NLRP4: variants seen among roughly 807,000 people sequenced by gnomAD.
The protein encoded by NLRP4 is NACHT, LRR and PYD domains-containing protein 4.
Under a neutral mutation model 84.7 loss-of-function variants are expected in NLRP4, and 44 were observed. That is an observed-to-expected ratio of 0.52 (90% confidence interval 0.41 to 0.67). The LOEUF (loss-of-function observed/expected upper bound fraction) is 0.67. NLRP4 is among the 30% of genes least tolerant of loss of function. The pLI is 0.00. For missense variants in NLRP4, 1,260 were observed against 1,219.4 expected (o/e 1.03, Z -0.50); for synonymous variants, 544 against 476.4 (o/e 1.14, Z -1.85).
At chr19:55,873,284 A>C (rs302445) in intron 7 of NLRP4, among the ~76,000 whole-genome samples, 78,918 of 151,808 alleles carry the variant, frequency 0.52, 20,751 homozygotes, top group Middle Eastern at 0.63. Context: ...TAATGGAAAA[A>C]ATATACAACA....
At chr19:55,848,450 C>A (rs1983885047) in intron 1 of NLRP4, among the ~76,000 whole-genome samples, 1 of 151,714 alleles carries the variant, frequency 6.6e-6, no homozygotes, top group Non-Finnish European at 1.5e-5. Flanking sequence ...TGTCGCCAGG[C>A]TAGAGTGCAG....
At chr19:55,847,172 T>C (rs1369326990) in intron 1 of NLRP4, among the ~76,000 whole-genome samples, 1 of 152,198 alleles carries the variant, frequency 6.6e-6, no homozygotes, top group East Asian at 1.9e-4. Context: ...GCAGCAACAT[T>C]CTGCCTAATG....
intron 1 of NLRP4, among the ~76,000 whole-genome samples, chr19:55,848,551 C>T (rs898671274): frequency 1.3e-5 from 2 of 152,030 alleles, no homozygotes; most frequent in African/African-American, 4.8e-5. Context: ...TTACAGGTAC[C>T]CACCACCACA....
At chr19:55,879,087 T>C (rs1035192602) in intron 9 of NLRP4, 123 bp downstream of exon 9, 2 of 752,904 alleles carry the variant, frequency 2.7e-6, no homozygotes, top group Non-Finnish European at 4.3e-6. Flanking sequence ...CTCAGGGTTG[T>C]TGCAGGAGTA....
chr19:55,859,233 G>T lies in NLRP4; in HGVS notation c.1840G>T (p.Asp614Tyr). 1 of 1,602,924 alleles carries T rather than the reference G, an allele frequency of 6.2e-7. No individual in the cohort carries two copies. Among genetic ancestry groups the T allele is most frequent in the African/African-American group, 1.3e-5 (1 of 74,810 alleles). Residue 614 changes from aspartate (D) to tyrosine (Y), a missense_variant, in exon 3 of 10, where the codon GAT (aspartate) becomes TAT (tyrosine). This residue lies in a region of NLRP4 where 544 missense variants were observed against 531.7 expected (regional missense o/e 1.02). Coordinates refer to ENST00000301295, the MANE Select transcript of NLRP4 (RefSeq NM_134444.5). ...FSVQNVFKKE[D>Y]EHSSTSDYSL... The stretch of plus-strand genomic sequence containing the variant: ...CGTTCAAAATGTCTTTAAGAAAGAG[G>T]ATGAACACAGCTCTACGTGAGTCCA...
intron 1 of NLRP4, among the ~76,000 whole-genome samples, chr19:55,845,132 C>T (rs557831945): frequency 6.7e-6 from 1 of 150,038 alleles, no homozygotes; most frequent in Non-Finnish European, 1.5e-5. Context: ...CCCATTAACT[C>T]GTCATTTAGC....
chr19:55,850,807 T>TTCCGAGGCTGCGGTGTAATG (rs1984082888), intron 1 of NLRP4, among the ~76,000 whole-genome samples: 1 of 32,646 alleles, frequency 3.1e-5, no homozygotes, highest in Non-Finnish European at 4.8e-5. Context: ...GCGGTGTAAT[T>TTCCGAGGCTGCGGTGTAATG]TCCGAGGCTG....
chr19:55,857,411 C>A, intron 2 of NLRP4: 2 of 468,020 alleles, frequency 4.3e-6, no homozygotes, highest in Non-Finnish European at 3.7e-6. Context: ...ATATGGTTTC[C>A]ATTTTAGGCT....
In NLRP4 at chr19:55,862,009, T is replaced by C; in HGVS notation, c.2036T>C (p.Phe679Ser). 1 of 1,613,704 alleles carries C rather than the reference T, an allele frequency of 6.2e-7. No homozygotes were observed. The highest frequency in any genetic ancestry group is 8.5e-7 in the Non-Finnish European group (1 of 1,179,660). The change falls in exon 5 of 10, where the codon TTT (phenylalanine) becomes TCT (serine). Residue 679 changes from phenylalanine (F) to serine (S), a missense_variant. This residue lies in a region of NLRP4 where 544 missense variants were observed against 531.7 expected (regional missense o/e 1.02). Coordinates refer to ENST00000301295, the MANE Select transcript of NLRP4 (RefSeq NM_134444.5). ...LQKLGINNVS[F>S]SGQSVLLFEV... is the part of the protein sequence containing the mutation. ...TTTTGCAGAATAAATAACGTTTCCT[T>C]TTCTGGCCAGAGTGTTCTGCTCTTT... is the stretch of plus-strand genomic sequence containing the variant.
chr19:55,858,964 C>T lies in NLRP4; in HGVS notation c.1571C>T (p.Ser524Phe). 1.9e-6 allele frequency: 3 copies of T among 1,614,134 alleles called. No individual in the cohort carries two copies. The highest frequency in any genetic ancestry group is 2.5e-6 in the Non-Finnish European group (3 of 1,180,022). ...KLDAFFGFQL[S>F]QEIKQQIHQC... is the part of the protein sequence containing the mutation. ...GATGCGTTTTTTGGCTTCCAACTGTCCCAAGAGATAAAGCAGCAAATTCAC... is the reference window on the plus strand; with the variant it reads ...GATGCGTTTTTTGGCTTCCAACTGTTCCAAGAGATAAAGCAGCAAATTCAC... Residue 524 changes from serine to phenylalanine, a missense_variant, in exon 3 of 10, where the codon TCC (serine) becomes TTC (phenylalanine). This residue lies in a region of NLRP4 where 712 missense variants were observed against 669.2 expected (regional missense o/e 1.06). Transcript: ENST00000301295. This position sits in a 1 kb window ranked among gnomAD's most constrained non-coding sequence, Gnocchi z 4.2.
chr19:55,876,501 G>A (rs935678372), intron 7 of NLRP4, among the ~76,000 whole-genome samples: 17 of 151,772 alleles, frequency 1.1e-4, no homozygotes, highest in African/African-American at 3.6e-4. Context: ...GGCACGCATC[G>A]CCATGCCCGG....
In NLRP4 at chr19:55,859,075, A is replaced by G. The variant is rs974237318; in HGVS notation, c.1682A>G (p.Gln561Arg). The change falls in exon 3 of 10, where the codon CAG becomes CGG. Residue 561 changes from glutamine (Q) to arginine (R), a missense_variant. Coordinates refer to ENST00000301295, the MANE Select transcript of NLRP4 (RefSeq NM_134444.5). ...ATATTTTACTGTCTCTTTGAAATGCAGGATCCTGCCTTTGTGAAGCAGGCA... is the reference window on the plus strand; with the variant it reads ...ATATTTTACTGTCTCTTTGAAATGCGGGATCCTGCCTTTGTGAAGCAGGCA... ...LAIFYCLFEM[Q>R]DPAFVKQAVN... 1.2e-6 allele frequency: 2 copies of G among 1,613,794 alleles called. No homozygotes were observed. The highest frequency in any genetic ancestry group is 1.7e-6 in the Non-Finnish European group (2 of 1,179,676).
chr19:55,852,374 G>A lies in NLRP4; in HGVS notation c.280+14G>A, dbSNP rs775119230. The A allele has an allele frequency of 6.4e-7, 1 of 1,558,576 alleles. No individual in the cohort carries two copies. The highest frequency in any genetic ancestry group is 8.7e-7 in the Non-Finnish European group (1 of 1,153,026). On this transcript the variant is annotated intron_variant, in intron 2 of 9. Coordinates refer to ENST00000301295, the MANE Select transcript of NLRP4 (RefSeq NM_134444.5). ...GGGAGAGAACAGGTGAGGGAGTCTG[G>A]GAAGGGGGAAGCCTTCTTATAATGA...
At chr19:55,844,740 C>T (rs1455073072) in intron 1 of NLRP4, among the ~76,000 whole-genome samples, 1 of 152,168 alleles carries the variant, frequency 6.6e-6, no homozygotes, top group African/African-American at 2.4e-5. Flanking sequence ...TCCAGTGTAA[C>T]TCATTGTATC....
chr19:55,868,414 A>G (rs906435760), intron 6 of NLRP4, among the ~76,000 whole-genome samples: 1 of 152,128 alleles, frequency 6.6e-6, no homozygotes, highest in African/African-American at 2.4e-5. Flanking sequence ...TTAAAGGCCA[A>G]TTGATTTACC....
At position 55,840,883 on chromosome 19, in the gene NLRP4, A is replaced by G. The variant is rs192969867; in HGVS notation, c.-66+3949A>G. On this transcript the variant is annotated intron_variant, in intron 1 of 9. Coordinates refer to ENST00000301295, the MANE Select transcript of NLRP4 (RefSeq NM_134444.5). ...TTTTTTTAAAAGCCTGGAATAATTCAATATCTTTTCCTTCTAATTCAAGTC... is the reference window on the plus strand; with the variant it reads ...TTTTTTTAAAAGCCTGGAATAATTCGATATCTTTTCCTTCTAATTCAAGTC... Among the ~76,000 whole-genome samples, 54 of 152,314 alleles carry G rather than the reference A, an allele frequency of 3.5e-4. No homozygotes were observed. The East Asian group carries it at 0.01, about 29-fold the overall frequency.
chr19:55,868,202 C>T (rs533162677), intron 6 of NLRP4, among the ~76,000 whole-genome samples: 71 of 152,268 alleles, frequency 4.7e-4, no homozygotes, highest in Non-Finnish European at 7.3e-4. Flanking sequence ...TGGTACTTCC[C>T]GTGTTGATAA....
chr19:55,858,203 C>T lies in NLRP4; in HGVS notation c.810C>T (p.Leu270=). The change falls in exon 3 of 10, where the codon CTC becomes CTT. Residue 270 remains leucine (L), a synonymous_variant. Transcript: ENST00000301295. This position sits in a 1 kb window ranked among gnomAD's most constrained non-coding sequence, Gnocchi z 4.2. The part of the protein sequence containing the change: ...LLSSLLRKKM[L]PEASLLIAIK... The stretch of plus-strand genomic sequence containing the variant: ...GCAGTTTGCTGAGGAAGAAGATGCT[C>T]CCGGAGGCCTCCCTGCTCATCGCTA... The T allele has an allele frequency of 1.2e-6, 2 of 1,614,126 alleles. No homozygotes were observed. The highest frequency in any genetic ancestry group is 1.7e-6 in the Non-Finnish European group (2 of 1,180,020).
chr19:55,836,654 C>T lies in NLRP4; in HGVS notation c.-346C>T, dbSNP rs1568651240. ...TCTTCCTTTTCTTTCTCCCTTTTAC[C>T]CTGTCTCCTTTCTTGAGGCTGATCG... On this transcript the variant is annotated 5_prime_UTR_variant, in exon 1 of 10. Coordinates refer to ENST00000301295, the MANE Select transcript of NLRP4 (RefSeq NM_134444.5). The T allele has an allele frequency of 1.3e-5, 2 of 152,452 alleles. No homozygotes were observed. The highest frequency in any genetic ancestry group is 2.1e-4 in the South Asian group (1 of 4,828). The allele number at this position is 152,452 out of a possible 1,614,324, so 9.4% of individuals were successfully genotyped here.
Sources: gnomAD v4.1 joint callset for allele counts (sites outside exome capture counted in the v4.1 genomes callset) on GRCh38, gnomAD v4.1.1 for gene constraint, gnomAD v4.1.1 regional missense constraint, Gnocchi (gnomAD v3.1) non-coding constraint, MANE v1.5 for transcripts, NCBI Gene and HGNC (gene_info 2026-07-23, HGNC 2026-07-21) for gene names.